The following LARP4 variants were observed in gnomAD, a reference collection of about 807,000 sequenced individuals.
The protein encoded by LARP4 is la-related protein 4.
LARP4 carries 29 observed loss-of-function variants against 92.9 expected under a neutral mutation model. The observed-to-expected ratio is 0.31, with a 90% CI of 0.23 to 0.43. LARP4 has a LOEUF of 0.43. Among genes scored for constraint, LARP4 ranks in the 20% least tolerant of loss-of-function variants. The pLI is 1.00. For missense variants in LARP4, 732 were observed against 860.0 expected, an observed-to-expected ratio of 0.85 and a Z score of 1.86; for synonymous variants, 279 against 284.1, an observed-to-expected ratio of 0.98 and a Z score of 0.18.
intron 13 of LARP4, among the ~76,000 whole-genome samples, chr12:50,471,767 C>A (rs1345396752): frequency 6.6e-6 from 1 of 152,196 alleles, no homozygotes; most frequent in Non-Finnish European, 1.5e-5. Flanking sequence ...AGATGATCCA[C>A]CCACCTCGGC....
At position 50,436,244 on chromosome 12, in the gene LARP4, A is replaced by G. The variant is rs867534218; in HGVS notation, c.535+620A>G. On this transcript the variant is annotated intron_variant, in intron 5 of 15. Coordinates refer to ENST00000398473, the MANE Select transcript of LARP4 (RefSeq NM_052879.5). Reference sequence around the variant, plus strand: ...GGTGTGTGTGTGTGTATATGTGTGTATGTATATATATATATATCCTGCTCA... The same window carrying G: ...GGTGTGTGTGTGTGTATATGTGTGTGTGTATATATATATATATCCTGCTCA... Among the ~76,000 whole-genome samples, 32 of 149,750 alleles carry G rather than the reference A, an allele frequency of 2.1e-4. No homozygotes were observed. The Middle Eastern group carries it at 0.014, about 64-fold the overall frequency.
intron 1 of LARP4, among the ~76,000 whole-genome samples, chr12:50,417,124 CTTA>C (rs1158846078): frequency 6.6e-6 from 1 of 151,486 alleles, no homozygotes; most frequent in Non-Finnish European, 1.5e-5. Flanking sequence ...AAAATTGATA[CTTA>C]TGCCAGGTAT....
rs575351142 is a variant in LARP4, at chr12:50,430,517, T to A, written c.345T>A (p.Ser115=). The change falls in exon 4 of 16, where the codon TCT becomes TCA. Residue 115 remains serine (S), a synonymous_variant. Transcript: ENST00000398473. The part of the protein sequence containing the change: ...DVSGESNSAV[S]TEDLKECLKK... ...CAGGAGAAAGCAATTCAGCAGTTTC[T>A]ACAGAAGACCTAAAAGAATGTCTGA... The A allele has an allele frequency of 6.2e-7, 1 of 1,607,326 alleles. No individual in the cohort carries two copies. The highest frequency in any genetic ancestry group is 1.3e-5 in the African/African-American group (1 of 74,858).
At chr12:50,445,835 A>G (rs1306367442) in intron 8 of LARP4, among the ~76,000 whole-genome samples, 1 of 152,166 alleles carries the variant, frequency 6.6e-6, no homozygotes, top group African/African-American at 2.4e-5. Flanking sequence ...CATAAATGTT[A>G]TCCATGAATA....
At position 50,444,785 on chromosome 12, in the gene LARP4, G is replaced by A. The variant is rs78719700; in HGVS notation, c.804+3142G>A. Among the ~76,000 whole-genome samples, 1,213 of 152,268 alleles carry A rather than the reference G, an allele frequency of 8.0e-3. 15 individuals are homozygous for A. The highest frequency in any genetic ancestry group is 0.028 in the African/African-American group (1,160 of 41,548). ...GGCAGTGCTTCATTCTGTTTCAATT[G>A]TGATTTCTATGCCTGAAAATAACTG... On this transcript the variant is annotated intron_variant, in intron 8 of 15. Transcript: ENST00000398473.
intron 1 of LARP4, 98 bp from the exon 2 acceptor site, chr12:50,427,664 T>C (rs1283190986): frequency 1.6e-6 from 1 of 615,228 alleles, no homozygotes; most frequent in Non-Finnish European, 2.6e-6. Flanking sequence ...ATTGGGTTTC[T>C]CCCCCACTTT....
chr12:50,462,783 C>T (rs1422998661), intron 12 of LARP4, among the ~76,000 whole-genome samples, 153 bp downstream of exon 12: 3 of 151,906 alleles, frequency 2.0e-5, no homozygotes, highest in African/African-American at 4.8e-5. Context: ...AAATTTTTAC[C>T]ACCACCACCC....
intron 10 of LARP4, among the ~76,000 whole-genome samples, chr12:50,459,970 CT>C (rs1196511743): frequency 6.6e-6 from 1 of 151,792 alleles, no homozygotes; most frequent in African/African-American, 2.4e-5. Flanking sequence ...AACCCTGTCT[CT>C]ACTGAAAATA....
chr12:50,425,954 T>C (rs1235035637), intron 1 of LARP4, among the ~76,000 whole-genome samples: 1 of 152,178 alleles, frequency 6.6e-6, no homozygotes, highest in African/African-American at 2.4e-5. Flanking sequence ...GAGGCTTCTT[T>C]CTTCCGTTTA....
intron 1 of LARP4, among the ~76,000 whole-genome samples, chr12:50,426,897 C>A (rs936231627): frequency 6.6e-6 from 1 of 151,832 alleles, no homozygotes; most frequent in African/African-American, 2.4e-5. Flanking sequence ...CACCAACACG[C>A]CTGGCTAATT....
At chr12:50,473,063 A>T (rs1052492895) in intron 13 of LARP4, among the ~76,000 whole-genome samples, 4 of 148,246 alleles carry the variant, frequency 2.7e-5, no homozygotes, top group Non-Finnish European at 4.5e-5. Flanking sequence ...CTTGTGATCC[A>T]CCCGCCTCAG....
intron 4 of LARP4, among the ~76,000 whole-genome samples, chr12:50,434,818 A>G (rs1375020906): frequency 2.0e-5 from 3 of 151,566 alleles, no homozygotes; most frequent in Non-Finnish European, 4.4e-5. Flanking sequence ...GCTGAGGCGG[A>G]TGGATCACGA....
chr12:50,458,787 C>G (rs904686208), intron 10 of LARP4, among the ~76,000 whole-genome samples: 56 of 152,126 alleles, frequency 3.7e-4, no homozygotes, highest in African/African-American at 1.3e-3. Flanking sequence ...CTGTTGTAAG[C>G]TTTTAGGAAG....
At chr12:50,439,459 G>T (rs143628160) in intron 6 of LARP4, among the ~76,000 whole-genome samples, 18 of 151,952 alleles carry the variant, frequency 1.2e-4, no homozygotes, top group African/African-American at 4.1e-4. Context: ...GTGTAGTACA[G>T]TGGTACGATC....
chr12:50,466,665 G>C (rs188204409), intron 12 of LARP4, among the ~76,000 whole-genome samples: 6 of 152,120 alleles, frequency 3.9e-5, no homozygotes, highest in Admixed American at 2.6e-4. Flanking sequence ...TTTTTGTTAA[G>C]AAGGCATAGC....
intron 3 of LARP4, among the ~76,000 whole-genome samples, chr12:50,429,997 A>G (rs1018371245): frequency 6.6e-6 from 1 of 152,182 alleles, no homozygotes; most frequent in Non-Finnish European, 1.5e-5. Flanking sequence ...ACCTTAAACT[A>G]ATATGAAATG....
chr12:50,421,589 G>A (rs994149042), intron 1 of LARP4, among the ~76,000 whole-genome samples: 5 of 151,948 alleles, frequency 3.3e-5, no homozygotes, highest in African/African-American at 1.2e-4. Flanking sequence ...AGGTTGCAGT[G>A]AGCCAAGATC....
chr12:50,414,743 T>A (rs1946477903), intron 1 of LARP4, among the ~76,000 whole-genome samples: 1 of 152,250 alleles, frequency 6.6e-6, no homozygotes, highest in Admixed American at 6.5e-5. Context: ...TGTAGTCCTA[T>A]TTTGGTTTTC....
intron 1 of LARP4, among the ~76,000 whole-genome samples, chr12:50,418,932 G>A (rs1479221604): frequency 6.6e-6 from 1 of 152,128 alleles, no homozygotes; most frequent in Non-Finnish European, 1.5e-5. Context: ...ATGTTGCCAG[G>A]CTGGTCTTGA....
Sources: gnomAD v4.1 joint callset for allele counts (sites outside exome capture counted in the v4.1 genomes callset) on GRCh38, gnomAD v4.1.1 for gene constraint, MANE v1.5 for transcripts, NCBI Gene and HGNC (gene_info 2026-07-23, HGNC 2026-07-21) for gene names.